Variants in ATXN1 observed in about 807,000 individuals in gnomAD.
ATXN1 encodes ataxin-1.
Under a neutral mutation model 56.4 loss-of-function variants are expected in ATXN1, and 8 were observed. The observed-to-expected ratio is 0.14, with a 90% CI of 0.08 to 0.26. The LOEUF is 0.26. Ranked by LOEUF, ATXN1 falls within the 10% of genes least tolerant of loss-of-function variation. The pLI is 1.00. For synonymous variants in ATXN1, 514 were observed against 494.6 expected (o/e 1.04, Z -0.52); for missense variants, 987 against 1,106.5 (o/e 0.89, Z 1.53).
intron 2 of ATXN1, among the ~76,000 whole-genome samples, chr6:16,734,133 T>C (rs1760057051): frequency 6.6e-6 from 1 of 152,138 alleles, no homozygotes; most frequent in Admixed American, 6.5e-5. Context: ...TTAAGATTTG[T>C]GAATTATAAC....
chr6:16,611,334 G>C (rs72825558), intron 3 of ATXN1, among the ~76,000 whole-genome samples: 3,404 of 152,200 alleles, frequency 0.022, 68 homozygotes, highest in Non-Finnish European at 0.033. Context: ...AAGACAACTA[G>C]AAGATTAAAT....
chr6:16,333,530 T>C (rs998715670), intron 6 of ATXN1, among the ~76,000 whole-genome samples: 1 of 152,198 alleles, frequency 6.6e-6, no homozygotes. Context: ...AAATACATCT[T>C]AAACCTAGGG....
At chr6:16,430,535 G>C (rs1759258013) in intron 6 of ATXN1, among the ~76,000 whole-genome samples, 1 of 152,172 alleles carries the variant, frequency 6.6e-6, no homozygotes, top group Non-Finnish European at 1.5e-5. Context: ...CTTGTTGTAT[G>C]TTGTTACTTA....
At chr6:16,542,428 T>C (rs1215095359) in intron 4 of ATXN1, among the ~76,000 whole-genome samples, 1 of 152,260 alleles carries the variant, frequency 6.6e-6, no homozygotes, top group Non-Finnish European at 1.5e-5. Flanking sequence ...TTCTCCCTCC[T>C]ATGTTACTTT....
At chr6:16,682,488 C>T (rs949029114) in intron 2 of ATXN1, among the ~76,000 whole-genome samples, 21 of 152,220 alleles carry the variant, frequency 1.4e-4, no homozygotes, top group African/African-American at 4.3e-4. Context: ...TGAGCCACCG[C>T]GCCTGGCCTC....
At chr6:16,413,326 A>G (rs1758839375) in intron 6 of ATXN1, among the ~76,000 whole-genome samples, 3 of 151,550 alleles carry the variant, frequency 2.0e-5, no homozygotes, top group African/African-American at 7.3e-5. Flanking sequence ...GCTGCCTCTC[A>G]AAAGGAAACA....
At chr6:16,462,157 C>T (rs1266771040) in intron 6 of ATXN1, among the ~76,000 whole-genome samples, 2 of 152,216 alleles carry the variant, frequency 1.3e-5, no homozygotes, top group Admixed American at 1.3e-4. Flanking sequence ...CCTCTTCCTC[C>T]TCATCTATGG....
At chr6:16,360,550 G>A (rs529344302) in intron 6 of ATXN1, among the ~76,000 whole-genome samples, 1 of 152,276 alleles carries the variant, frequency 6.6e-6, no homozygotes, top group Admixed American at 6.5e-5. Context: ...AGTGCCCTCA[G>A]AGCCAGGGAA....
chr6:16,383,029 T>A (rs78774554), intron 6 of ATXN1, among the ~76,000 whole-genome samples: 2 of 152,012 alleles, frequency 1.3e-5, no homozygotes, highest in African/African-American at 2.4e-5. Flanking sequence ...TTGCTCTTCC[T>A]CCCATCTCGC....
At chr6:16,642,705 A>G (rs1475242413) in intron 3 of ATXN1, among the ~76,000 whole-genome samples, 1 of 151,962 alleles carries the variant, frequency 6.6e-6, no homozygotes. Flanking sequence ...TTCAGCAACC[A>G]CCTCCCTAAA....
chr6:16,466,101 G>A (rs1037889838), intron 6 of ATXN1, among the ~76,000 whole-genome samples: 2 of 152,038 alleles, frequency 1.3e-5, no homozygotes, highest in African/African-American at 2.4e-5. Context: ...TGGACCACAA[G>A]GTCAGGAGAT....
At chr6:16,608,471 G>T (rs1200007847) in intron 3 of ATXN1, among the ~76,000 whole-genome samples, 1 of 152,200 alleles carries the variant, frequency 6.6e-6, no homozygotes, top group Admixed American at 6.5e-5. Flanking sequence ...TCAAAGACGT[G>T]TGACACTATT....
At position 16,533,235 on chromosome 6, in the gene ATXN1, A is replaced by G. The variant is rs551556270; in HGVS notation, c.-360-10547T>C. Among the ~76,000 whole-genome samples, 9 of 152,320 alleles carry G rather than the reference A, an allele frequency of 5.9e-5. No homozygotes were observed. The East Asian group carries it at 1.2e-3, about 20-fold the overall frequency. On this transcript the variant is annotated intron_variant, in intron 4 of 7. Transcript: ENST00000436367. ...TATCACAATAAAAAGAAGAAGAAGA[A>G]GAAGACCCCTGTGATCACTTGACCT...
intron 3 of ATXN1, among the ~76,000 whole-genome samples, chr6:16,610,901 T>A (rs1763094341): frequency 6.7e-6 from 1 of 149,588 alleles, no homozygotes; most frequent in Non-Finnish European, 1.5e-5. Flanking sequence ...CGTGGGGCTG[T>A]GTGCCTGTAG....
intron 2 of ATXN1, among the ~76,000 whole-genome samples, chr6:16,680,863 G>T (rs756385894): frequency 1.3e-5 from 2 of 152,146 alleles, no homozygotes; most frequent in Non-Finnish European, 2.9e-5. Flanking sequence ...CATTATTTTA[G>T]AAAGCATAAT....
intron 6 of ATXN1, among the ~76,000 whole-genome samples, chr6:16,470,216 T>C (rs1314643777): frequency 6.6e-6 from 1 of 152,114 alleles, no homozygotes; most frequent in Non-Finnish European, 1.5e-5. Context: ...CTCAGTGAAA[T>C]GAGCCAGGCA....
At chr6:16,372,934 T>TAAATAAATAAAC (rs1285552853) in intron 6 of ATXN1, among the ~76,000 whole-genome samples, 7 of 148,742 alleles carry the variant, frequency 4.7e-5, no homozygotes, top group African/African-American at 1.8e-4. Flanking sequence ...AATAAATAAA[T>TAAATAAATAAAC]AAACAAACAA....
At chr6:16,389,493 C>T (rs1264326662) in intron 6 of ATXN1, among the ~76,000 whole-genome samples, 1 of 152,146 alleles carries the variant, frequency 6.6e-6, no homozygotes, top group Non-Finnish European at 1.5e-5. Context: ...ATTTGACTTC[C>T]TTTTGCCTTG....
intron 6 of ATXN1, among the ~76,000 whole-genome samples, chr6:16,443,208 C>CAAAAAAAAAAAAAAAAAAAAAAAATAAA (rs1759555033): frequency 2.5e-5 from 1 of 40,760 alleles, no homozygotes; most frequent in Non-Finnish European, 4.2e-5. Context: ...TCTATTGGAG[C>CAAAAAAAAAAAAAAAAAAAAAAAATAAA]AAAAAAAAAA....
Sources: allele counts gnomAD v4.1 joint callset (sites outside exome capture counted in the v4.1 genomes callset), GRCh38; gene constraint gnomAD v4.1.1; transcripts MANE v1.5; gene names NCBI Gene and HGNC (gene_info 2026-07-23, HGNC 2026-07-21).